Variants in RASSF2 observed in about 807,000 individuals in gnomAD.
RASSF2 encodes the protein ras association domain-containing protein 2.
RASSF2 carries 34 observed loss-of-function variants against 46.3 expected under a neutral mutation model. The ratio of observed to expected loss-of-function variants is 0.73; its 90% CI spans 0.56 to 0.98. The LOEUF is 0.98. RASSF2 is among the 50% of genes least tolerant of loss of function. RASSF2 has a pLI of 0.00. For synonymous variants in RASSF2, 158 were observed against 162.5 expected, an observed-to-expected ratio of 0.97 and a Z score of 0.21; for missense variants, 364 against 431.2, an observed-to-expected ratio of 0.84 and a Z score of 1.38.
chr20:4,813,984 A>G (rs1928069527), intron 2 of RASSF2, among the ~76,000 whole-genome samples: 1 of 152,188 alleles, frequency 6.6e-6, no homozygotes, highest in Non-Finnish European at 1.5e-5. Context: ...ATTCCATGTG[A>G]CTGTAGGACC....
At chr20:4,798,174 G>A in intron 3 of RASSF2, 89 bp from the exon 4 acceptor site, 2 of 1,547,610 alleles carry the variant, frequency 1.3e-6, no homozygotes, top group Non-Finnish European at 1.7e-6. Context: ...CTCTCACCTG[G>A]CCTTCAGTCA....
At chr20:4,811,284 G>A (rs1010968049) in intron 2 of RASSF2, among the ~76,000 whole-genome samples, 11 of 63,084 alleles carry the variant, frequency 1.7e-4, no homozygotes, top group Non-Finnish European at 7.2e-5. Flanking sequence ...ACAGAAGTTC[G>A]AGGTTGCAGT....
At position 4,790,621 on chromosome 20, in the gene RASSF2, G is replaced by C. The variant is rs376041688; in HGVS notation, c.377-10C>G. On this transcript the variant is annotated splice_polypyrimidine_tract_variant and intron_variant, in intron 6 of 11. Coordinates refer to ENST00000379400, the MANE Select transcript of RASSF2 (RefSeq NM_014737.3). This position sits in a 1 kb window ranked among gnomAD's most constrained non-coding sequence, Gnocchi z 4.3. ...TTCAGGCCCCTGGAGTCTGAGAGAG[G>C]AGAGGGAAATGAACTCTGTCTGTCT... The C allele has an allele frequency of 1.3e-6, 2 of 1,515,300 alleles. No homozygotes were observed. The highest frequency in any genetic ancestry group is 1.7e-6 in the Non-Finnish European group (2 of 1,143,718). The allele number at this position is 1,515,300 out of a possible 1,614,324, so 93.9% of individuals were successfully genotyped here. A position where few individuals can be genotyped will look rare whatever the true frequency, so the allele number is the denominator to read the frequency against.
In RASSF2 at chr20:4,801,169, G is replaced by A. The variant is rs116053834; in HGVS notation, c.-32-107C>T. 4.4e-3 allele frequency: 3,299 copies of A among 754,516 alleles called. 84 individuals carry two copies. In the African/African-American group the frequency reaches 0.051, roughly 12 times the overall value. The allele number at this position is 754,516 out of a possible 1,614,324, so 46.7% of individuals were successfully genotyped here. A position where few individuals can be genotyped will look rare whatever the true frequency, so the allele number is the denominator to read the frequency against. The stretch of plus-strand genomic sequence containing the variant: ...ACAAAATTGGACGCCATGGCTCTCC[G>A]TTCCTCCCCACCCAGATCCACAGCT... On this transcript the variant is annotated intron_variant, in intron 2 of 11. Coordinates refer to ENST00000379400, the MANE Select transcript of RASSF2 (RefSeq NM_014737.3).
chr20:4,786,154 C>T, intron 11 of RASSF2, 77 bp downstream of exon 11: 1 of 1,203,274 alleles, frequency 8.3e-7, no homozygotes, highest in Admixed American at 1.7e-5. Flanking sequence ...CAGCACAGTC[C>T]CTGCGAGGAC....
At chr20:4,807,300 C>T (rs1927415084) in intron 2 of RASSF2, among the ~76,000 whole-genome samples, 1 of 144,578 alleles carries the variant, frequency 6.9e-6, no homozygotes, top group Admixed American at 6.9e-5. Context: ...AAATTGATAC[C>T]AACCTGTGAA....
chr20:4,787,903 A>G, intron 9 of RASSF2, 149 bp from the exon 10 acceptor site: 1 of 1,006,630 alleles, frequency 9.9e-7, no homozygotes, highest in African/African-American at 1.6e-5. Context: ...GGTGTTGTGA[A>G]AAGCAACTTC....
At chr20:4,817,290 T>A (rs1172378308) in intron 2 of RASSF2, among the ~76,000 whole-genome samples, 1 of 152,162 alleles carries the variant, frequency 6.6e-6, no homozygotes, top group Non-Finnish European at 1.5e-5. Context: ...GACATCCCCA[T>A]ACACATACTT....
rs200029931 is a variant in RASSF2, at chr20:4,797,965, A to G, written c.135+45T>C. 30 of 1,610,730 alleles carry G rather than the reference A, an allele frequency of 1.9e-5. 1 individual carries two copies. Among genetic ancestry groups the G allele is most frequent in the Admixed American group, 6.7e-5 (4 of 59,788 alleles). On this transcript the variant is annotated intron_variant, in intron 4 of 11. Transcript: ENST00000379400. ...CTTCAGACCCAGGACACATGGTGAC[A>G]AGCCCTGGACTAGCCAATCAGGGCC...
At chr20:4,793,212 C>T (rs1250235616) in intron 5 of RASSF2, among the ~76,000 whole-genome samples, 1 of 152,126 alleles carries the variant, frequency 6.6e-6, no homozygotes, top group African/African-American at 2.4e-5. Flanking sequence ...GAAAGGGTTA[C>T]AAGCAGGCAG....
At chr20:4,813,655 A>G (rs1928036292) in intron 2 of RASSF2, among the ~76,000 whole-genome samples, 2 of 152,258 alleles carry the variant, frequency 1.3e-5, no homozygotes, top group Non-Finnish European at 1.5e-5. Context: ...CACTAATCAG[A>G]GAGGCAGGGC....
chr20:4,813,310 G>A lies in RASSF2; in HGVS notation c.-33+9019C>T, dbSNP rs546512280. 1.3e-3 allele frequency among the ~76,000 whole-genome samples: 192 copies of A among 152,274 alleles called. 3 individuals carry two copies. The highest frequency in any genetic ancestry group is 7.1e-3 in the Admixed American group (109 of 15,302). ...TGCTGGGGTTTCTTCAAGCATGTCA[G>A]CCTACGAAGCCGCCACTCTTCTGCC... On this transcript the variant is annotated intron_variant, in intron 2 of 11. Transcript: ENST00000379400.
intron 1 of RASSF2, among the ~76,000 whole-genome samples, chr20:4,822,760 C>T (rs1416507703): frequency 6.6e-6 from 1 of 152,238 alleles, no homozygotes; most frequent in Admixed American, 6.5e-5. Flanking sequence ...GGCCCCCGCG[C>T]ACCCTGCGCC....
In RASSF2 at chr20:4,812,342, T is replaced by A. The variant is rs1927888819; in HGVS notation, c.-33+9987A>T. Among the ~76,000 whole-genome samples the A allele has an allele frequency of 6.6e-6, 1 of 152,224 alleles. No homozygotes were observed. The highest frequency in any genetic ancestry group is 1.5e-5 in the Non-Finnish European group (1 of 68,044). On this transcript the variant is annotated intron_variant, in intron 2 of 11. Coordinates refer to ENST00000379400, the MANE Select transcript of RASSF2 (RefSeq NM_014737.3). This position sits in a 1 kb window ranked among gnomAD's most constrained non-coding sequence, Gnocchi z 4.0. ...TTATCCTCATTTTGCAGTTGAACAG[T>A]TGAGGCACAAAGAAGCTATGCCACT... is the stretch of plus-strand genomic sequence containing the variant.
chr20:4,792,518 G>C (rs1466321344), intron 6 of RASSF2, 21 bp downstream of exon 6: 1 of 1,613,854 alleles, frequency 6.2e-7, no homozygotes, highest in Non-Finnish European at 8.5e-7. Flanking sequence ...CTAGCTGGAA[G>C]TACCTTCCAC....
chr20:4,800,110 T>TAA (rs34035434), intron 3 of RASSF2, among the ~76,000 whole-genome samples: 4 of 140,778 alleles, frequency 2.8e-5, no homozygotes, highest in East Asian at 4.1e-4. Flanking sequence ...AGAGTCCTTC[T>TAA]AAAAAAAAAA....
At chr20:4,797,676 C>T (rs1382614567) in intron 4 of RASSF2, among the ~76,000 whole-genome samples, 1 of 152,128 alleles carries the variant, frequency 6.6e-6, no homozygotes, top group African/African-American at 2.4e-5. Flanking sequence ...GTGGGGTTCC[C>T]GAATTGCCCA....
At chr20:4,803,794 C>G (rs1332736251) in intron 2 of RASSF2, among the ~76,000 whole-genome samples, 1 of 150,558 alleles carries the variant, frequency 6.6e-6, no homozygotes, top group Non-Finnish European at 1.5e-5. Context: ...CGCAGTGGCT[C>G]ACACCTGTAA....
Position 4,782,960 on chromosome 20 carries a change from G to C in RASSF2, c.*1313C>G, listed in dbSNP as rs550991067. ...CTGCCTGTCAAGCTTCCTGATAGGA[G>C]TCCCAGGGCACAGACTGTTCTTGCC... On this transcript the variant is annotated 3_prime_UTR_variant, in exon 12 of 12. Coordinates refer to ENST00000379400, the MANE Select transcript of RASSF2 (RefSeq NM_014737.3). 1.3e-5 allele frequency: 2 copies of C among 152,316 alleles called. No individual in the cohort carries two copies. The highest frequency in any genetic ancestry group is 4.1e-4 in the South Asian group (2 of 4,836). 9.4% of individuals were successfully genotyped at this position (152,316 alleles called of 1,614,324 possible).
Sources: allele counts gnomAD v4.1 joint callset (sites outside exome capture counted in the v4.1 genomes callset), GRCh38; gene constraint gnomAD v4.1.1; non-coding constraint Gnocchi (gnomAD v3.1); transcripts MANE v1.5; gene names NCBI Gene and HGNC (gene_info 2026-07-23, HGNC 2026-07-21).